PPFIBP2: variants seen among roughly 807,000 people sequenced by gnomAD.
The protein encoded by PPFIBP2 is liprin-beta-2.
Under a neutral mutation model 118.3 loss-of-function variants are expected in PPFIBP2, and 118 were observed. The observed-to-expected ratio is 1.00, with a 90% CI of 0.86 to 1.16. The LOEUF is 1.16. Among genes scored for constraint, PPFIBP2 ranks in the 50% most tolerant of loss-of-function variants. PPFIBP2 has a pLI of 0.00. For missense variants in PPFIBP2, 1,195 were observed against 1,073.1 expected, an observed-to-expected ratio of 1.11 and a Z score of -1.59; for synonymous variants, 414 against 397.4, an observed-to-expected ratio of 1.04 and a Z score of -0.50.
intron 21 of PPFIBP2, 103 bp from the exon 22 acceptor site, chr11:7,650,737 G>T (rs1853862044): frequency 3.8e-6 from 5 of 1,306,130 alleles, no homozygotes; most frequent in African/African-American, 2.9e-5. Flanking sequence ...TTCTATTGTT[G>T]TGATGCGTCT....
In PPFIBP2 at chr11:7,595,002, G is replaced by A. The variant is rs11041472; in HGVS notation, c.372+1778G>A. Among the ~76,000 whole-genome samples, 4 of 151,336 alleles carry A rather than the reference G, an allele frequency of 2.6e-5. No individual in the cohort carries two copies. In the East Asian group the frequency reaches 7.8e-4, roughly 29 times the overall value. On this transcript the variant is annotated intron_variant, in intron 4 of 23. Transcript: ENST00000299492. ...AACTATTTCAGGTGCTGGTAAGAAC[G>A]CTGGAAAAAAGTAAAGCAGGATGAG...
At chr11:7,653,848 C>G, downstream of PPFIBP2, 1 of 1,143,048 alleles carries the variant, frequency 8.7e-7, no homozygotes, top group South Asian at 1.6e-5. Context: ...GCTGAAGAGC[C>G]GGTGGCACTG....
intron 2 of PPFIBP2, among the ~76,000 whole-genome samples, chr11:7,561,673 T>C (rs1165768485): frequency 2.0e-5 from 3 of 152,254 alleles, no homozygotes; most frequent in East Asian, 3.8e-4. Flanking sequence ...TGCCTCTTGA[T>C]TGTACTTCTC....
downstream of PPFIBP2, among the ~76,000 whole-genome samples, chr11:7,660,739 T>C (rs543227651): frequency 1.3e-5 from 2 of 151,158 alleles, no homozygotes; most frequent in Admixed American, 1.3e-4. Flanking sequence ...TTCCTCCTTG[T>C]ACCTCTGGTA....
intron 14 of PPFIBP2, 21 bp from the exon 15 acceptor site, chr11:7,639,711 C>G: frequency 6.2e-7 from 1 of 1,613,824 alleles, no homozygotes; most frequent in Non-Finnish European, 8.5e-7. Context: ...GTATCTCTCT[C>G]TTTCTCTCAC....
downstream of PPFIBP2, among the ~76,000 whole-genome samples, chr11:7,654,112 G>T (rs1165797374): frequency 6.6e-6 from 1 of 152,188 alleles, no homozygotes; most frequent in Non-Finnish European, 1.5e-5. Flanking sequence ...AGACAAGAAG[G>T]CACCTTGCTG....
intron 1 of PPFIBP2, among the ~76,000 whole-genome samples, chr11:7,530,640 A>G (rs556135248): frequency 1.3e-5 from 2 of 152,368 alleles, no homozygotes; most frequent in African/African-American, 2.4e-5. Context: ...CCCAGCCTCC[A>G]TAGCTGTGAG....
chr11:7,651,999 A>C (rs1385890824), intron 23 of PPFIBP2, among the ~76,000 whole-genome samples, 155 bp downstream of exon 23: 1 of 152,238 alleles, frequency 6.6e-6, no homozygotes, highest in Non-Finnish European at 1.5e-5. Flanking sequence ...CTGTGAGGCC[A>C]GTCTTTGTTA....
downstream of PPFIBP2, among the ~76,000 whole-genome samples, chr11:7,654,802 C>T (rs1001104821): frequency 1.1e-4 from 17 of 152,236 alleles, no homozygotes; most frequent in Non-Finnish European, 2.5e-4. Flanking sequence ...CACTGATTCT[C>T]TGCACCCTCA....
intron 6 of PPFIBP2, 43 bp from the exon 7 acceptor site, chr11:7,620,892 T>C: frequency 7.0e-7 from 1 of 1,433,184 alleles, no homozygotes; most frequent in South Asian, 1.1e-5. Context: ...CAAGAGCACA[T>C]CTTTTAACCA....
Position 7,651,953 on chromosome 11 carries a change from AAG to A in PPFIBP2, c.2436+112_2436+113del, listed in dbSNP as rs1211473967. 131 of 1,100,436 alleles carry A rather than the reference AAG, an allele frequency of 1.2e-4. 1 individual carries two copies. The highest frequency in any genetic ancestry group is 1.4e-4 in the Admixed American group (6 of 42,236). The allele number at this position is 1,100,436 out of a possible 1,614,324, so 68.2% of individuals were successfully genotyped here. On this transcript the variant is annotated intron_variant, in intron 23 of 23. Transcript: ENST00000299492. ...CAGAGCAGCATGCGCAGCCTGGACA[AAG>A]AGGATCTTTCAGCTTCTGCTGTGGG...
At chr11:7,522,014 T>G (rs1174034992) in intron 1 of PPFIBP2, among the ~76,000 whole-genome samples, 1 of 152,026 alleles carries the variant, frequency 6.6e-6, no homozygotes, top group Non-Finnish European at 1.5e-5. Flanking sequence ...TCTGATGACA[T>G]TAAAGTTTCC....
At chr11:7,534,849 C>T (rs549425204) in intron 1 of PPFIBP2, among the ~76,000 whole-genome samples, 4 of 152,348 alleles carry the variant, frequency 2.6e-5, no homozygotes, top group East Asian at 3.9e-4. Flanking sequence ...TTTCCCAGAC[C>T]GCCTTCCTGG....
chr11:7,653,332 A>C lies in PPFIBP2; in HGVS notation c.*114A>C. 4 of 1,514,220 alleles carry C rather than the reference A, an allele frequency of 2.6e-6. No individual in the cohort carries two copies. Among genetic ancestry groups the C allele is most frequent in the Non-Finnish European group, 3.5e-6 (4 of 1,135,192 alleles). The allele number at this position is 1,514,220 out of a possible 1,614,324, so 93.8% of individuals were successfully genotyped here. On this transcript the variant is annotated 3_prime_UTR_variant, in exon 24 of 24. Coordinates refer to ENST00000299492, the MANE Select transcript of PPFIBP2 (RefSeq NM_003621.5). The stretch of plus-strand genomic sequence containing the variant: ...GTGCATGACTCGCAGAGAATATTCC[A>C]GCAATTGTGTACCCCTGGGCCAGTC...
At chr11:7,516,741 G>A (rs1274313402) in intron 1 of PPFIBP2, among the ~76,000 whole-genome samples, 2 of 152,162 alleles carry the variant, frequency 1.3e-5, no homozygotes, top group African/African-American at 4.8e-5. Flanking sequence ...CAAGGGGTAC[G>A]TGTCTTCCAG....
chr11:7,665,930 G>C, the PPFIBP2 span: 2 of 1,535,796 alleles, frequency 1.3e-6, no homozygotes, highest in East Asian at 2.4e-5. Flanking sequence ...GCCCTCTGCC[G>C]ACCAGGGACC....
chr11:7,617,075 T>C (rs924992422), intron 6 of PPFIBP2: 69 of 970,672 alleles, frequency 7.1e-5, no homozygotes, highest in Non-Finnish European at 8.3e-5. Context: ...CTGTCTGACC[T>C]GGAGTGCTTT....
At chr11:7,577,604 T>C in intron 3 of PPFIBP2, 1 of 456,490 alleles carries the variant, frequency 2.2e-6, no homozygotes. Flanking sequence ...GATGGGGACA[T>C]TGATGTTTAC....
chr11:7,634,664 G>A, intron 13 of PPFIBP2, 112 bp downstream of exon 13: 5 of 808,120 alleles, frequency 6.2e-6, no homozygotes, highest in Non-Finnish European at 8.4e-6. Context: ...ATTTTATAAA[G>A]TTGTAGAGGA....
Sources: allele counts gnomAD v4.1 joint callset (sites outside exome capture counted in the v4.1 genomes callset), GRCh38; gene constraint gnomAD v4.1.1; transcripts MANE v1.5; gene names NCBI Gene and HGNC (gene_info 2026-07-23, HGNC 2026-07-21).